Variants in BRINP2 observed in about 807,000 individuals in gnomAD.
The protein encoded by BRINP2 is BMP/retinoic acid inducible neural specific 2.
Under a neutral mutation model 69.2 loss-of-function variants are expected in BRINP2, and 21 were observed. That is an observed-to-expected ratio of 0.30 (90% confidence interval 0.22 to 0.44). The LOEUF (loss-of-function observed/expected upper bound fraction) is 0.44. Among genes scored for constraint, BRINP2 ranks in the 20% least tolerant of loss-of-function variants. The pLI, the probability that BRINP2 is intolerant of heterozygous loss-of-function variation, is 1.00. For missense variants in BRINP2, 877 were observed against 986.0 expected (o/e 0.89, Z 1.48); for synonymous variants, 380 against 394.1 (o/e 0.96, Z 0.42).
chr1:177,268,052 T>G (rs1002662219), intron 4 of BRINP2, among the ~76,000 whole-genome samples: 1 of 152,170 alleles, frequency 6.6e-6, no homozygotes, highest in African/African-American at 2.4e-5. Context: ...AGTTTTCACA[T>G]TTACACAACT....
intron 1 of BRINP2, among the ~76,000 whole-genome samples, chr1:177,204,709 G>A (rs1242504073): frequency 6.6e-6 from 1 of 152,136 alleles, no homozygotes; most frequent in Non-Finnish European, 1.5e-5. Context: ...GGTAATGAAT[G>A]TAAAATATAG....
At chr1:177,245,211 A>T (rs1303751749) in intron 2 of BRINP2, among the ~76,000 whole-genome samples, 4 of 152,104 alleles carry the variant, frequency 2.6e-5, no homozygotes, top group Non-Finnish European at 5.9e-5. Flanking sequence ...ATGTACTCTC[A>T]GTGGCTCAGA....
chr1:177,228,513 G>T (rs189063141), intron 1 of BRINP2, among the ~76,000 whole-genome samples: 1 of 152,174 alleles, frequency 6.6e-6, no homozygotes. Context: ...CACATTGTCT[G>T]CCCTTACCAG....
At chr1:177,255,827 C>A in intron 2 of BRINP2, 92 bp from the exon 3 acceptor site, 2 of 1,318,892 alleles carry the variant, frequency 1.5e-6, no homozygotes, top group Non-Finnish European at 2.1e-6. Context: ...TGAGTGGCTG[C>A]AAGTGGAGGA....
chr1:177,230,919 C>T (rs1185176355), intron 2 of BRINP2, among the ~76,000 whole-genome samples: 2 of 152,200 alleles, frequency 1.3e-5, no homozygotes, highest in East Asian at 3.8e-4. Context: ...TTACTTGTAT[C>T]TTTAGATAAC....
intron 1 of BRINP2, among the ~76,000 whole-genome samples, chr1:177,229,285 G>C (rs1649791796): frequency 1.3e-5 from 2 of 152,182 alleles, no homozygotes; most frequent in South Asian, 4.1e-4. Flanking sequence ...AGCAGCAACG[G>C]AAGGAACTTC....
intron 2 of BRINP2, among the ~76,000 whole-genome samples, chr1:177,249,441 G>A (rs1650510671): frequency 6.6e-6 from 1 of 152,192 alleles, no homozygotes; most frequent in Admixed American, 6.5e-5. Flanking sequence ...TGTCAGCCCT[G>A]AATGCAGTGG....
rs1184962430 is a variant in BRINP2, at chr1:177,179,965, G to A, written c.-77+8233G>A. The stretch of plus-strand genomic sequence containing the variant: ...ATGTATTCACACACACGCACACCCC[G>A]TATATACACATGCATGCATCTATAC... On this transcript the variant is annotated intron_variant, in intron 1 of 7. Transcript: ENST00000361539. Among the ~76,000 whole-genome samples, 3 of 151,984 alleles carry A rather than the reference G, an allele frequency of 2.0e-5. No individual in the cohort carries two copies. In the East Asian group the frequency reaches 5.8e-4, roughly 29 times the overall value.
intron 1 of BRINP2, among the ~76,000 whole-genome samples, chr1:177,174,924 T>C (rs1263414462): frequency 6.6e-6 from 1 of 152,220 alleles, no homozygotes; most frequent in Non-Finnish European, 1.5e-5. Context: ...GTGGGAAAAG[T>C]ATTGCTCAAC....
chr1:177,255,133 A>T (rs939978656), intron 2 of BRINP2, among the ~76,000 whole-genome samples: 20 of 152,366 alleles, frequency 1.3e-4, no homozygotes, highest in African/African-American at 4.6e-4. Context: ...AGTACCAAAG[A>T]TGAAAATCCA....
At chr1:177,224,536 C>T (rs1207000413) in intron 1 of BRINP2, among the ~76,000 whole-genome samples, 1 of 151,954 alleles carries the variant, frequency 6.6e-6, no homozygotes, top group Non-Finnish European at 1.5e-5. Flanking sequence ...CAGTGAAGGT[C>T]CCAGAGGGAA....
intron 2 of BRINP2, among the ~76,000 whole-genome samples, chr1:177,248,476 T>C (rs890132307): frequency 1.9e-4 from 28 of 151,050 alleles, no homozygotes; most frequent in African/African-American, 6.1e-4. Flanking sequence ...TGTGTGCGTG[T>C]GTGTGTGTGT....
chr1:177,209,020 A>T (rs573735406), intron 1 of BRINP2, among the ~76,000 whole-genome samples: 27 of 152,146 alleles, frequency 1.8e-4, no homozygotes, highest in African/African-American at 6.5e-4. Flanking sequence ...GTCATTCTGG[A>T]GTTTAAGAGG....
Position 177,281,529 on chromosome 1 carries a change from T to A in BRINP2, c.*1T>A. On this transcript the variant is annotated 3_prime_UTR_variant, in exon 8 of 8. Coordinates refer to ENST00000361539, the MANE Select transcript of BRINP2 (RefSeq NM_021165.4). ...TGAGACCGGCAAACTCTGTAGCTAA[T>A]GGGCGGCCCACTTCAGCACTGGGCA... 6.3e-7 allele frequency: 1 copy of A among 1,595,588 alleles called. No homozygotes were observed. Among genetic ancestry groups the A allele is most frequent in the Non-Finnish European group, 8.5e-7 (1 of 1,175,010 alleles).
intron 1 of BRINP2, among the ~76,000 whole-genome samples, chr1:177,194,019 A>C (rs1330528165): frequency 1.3e-5 from 2 of 152,196 alleles, no homozygotes; most frequent in Non-Finnish European, 2.9e-5. Context: ...CATGGCCCTG[A>C]ACTTTTACAT....
chr1:177,272,295 G>A (rs113327880), intron 4 of BRINP2, among the ~76,000 whole-genome samples: 44 of 152,286 alleles, frequency 2.9e-4, no homozygotes, highest in South Asian at 8.3e-4. Flanking sequence ...AGCTGTGTAT[G>A]CACCTACCTG....
intron 1 of BRINP2, among the ~76,000 whole-genome samples, chr1:177,190,597 C>A (rs1648558581): frequency 6.6e-6 from 1 of 152,154 alleles, no homozygotes; most frequent in South Asian, 2.1e-4. Flanking sequence ...GAGTTAGATC[C>A]CTCTTTGGAG....
Position 177,278,766 on chromosome 1 carries a change from T to G in BRINP2, c.1216T>G (p.Phe406Val). The change falls in exon 7 of 8, where the codon TTC becomes GTC. Residue 406 changes from phenylalanine (F) to valine (V), a missense_variant. By Grantham distance (50) the Phe-to-Val change is conservative. This residue lies in a region of BRINP2 where 566 missense variants were observed against 625.2 expected (regional missense o/e 0.91). Coordinates refer to ENST00000361539, the MANE Select transcript of BRINP2 (RefSeq NM_021165.4). ...LCKRCHRQPR[F>V]RLPKERSLSY... ...CAAGCGCTGCCATCGCCAGCCTCGC[T>G]TCCGCCTGCCCAAGGAGAGGTGAGC... The G allele has an allele frequency of 6.2e-7, 1 of 1,614,016 alleles. No homozygotes were observed. The highest frequency in any genetic ancestry group is 8.5e-7 in the Non-Finnish European group (1 of 1,180,032).
At chr1:177,207,121 C>T (rs1249490574) in intron 1 of BRINP2, among the ~76,000 whole-genome samples, 13 of 152,134 alleles carry the variant, frequency 8.5e-5, no homozygotes, top group Admixed American at 8.5e-4. Context: ...GATAATGCCT[C>T]AGGAGTTGCT....
Sources: gnomAD v4.1 joint callset for allele counts (sites outside exome capture counted in the v4.1 genomes callset) on GRCh38, gnomAD v4.1.1 for gene constraint, gnomAD v4.1.1 regional missense constraint, MANE v1.5 for transcripts, NCBI Gene and HGNC (gene_info 2026-07-23, HGNC 2026-07-21) for gene names.